Variants in MXD4 observed in about 807,000 individuals in gnomAD.
MXD4 encodes the protein MAX dimerization protein 4, also known as Mad4 homolog.
Under a neutral mutation model 24.5 loss-of-function variants are expected in MXD4, and 16 were observed. That is an observed-to-expected ratio of 0.65 (90% CI 0.44 to 0.99). The LOEUF is 0.99. MXD4 is among the 50% of genes least tolerant of loss of function. The probability of loss-of-function intolerance (pLI) is 0.00; values close to 1 mark genes in which losing one functional copy is unlikely to be tolerated. For synonymous variants in MXD4, 164 were observed against 134.2 expected, an observed-to-expected ratio of 1.22 and a Z score of -1.54; for missense variants, 301 against 301.5, an observed-to-expected ratio of 1.00 and a Z score of 0.01.
intron 1 of MXD4, 32 bp downstream of exon 1, chr4:2,261,885 G>T: frequency 7.1e-7 from 1 of 1,408,622 alleles, no homozygotes; most frequent in Non-Finnish European, 9.3e-7. Context: ...CCCGCCCACC[G>T]CCGCGGGCGC....
chr4:2,258,997 C>G (rs1321909298), intron 2 of MXD4: 2 of 455,116 alleles, frequency 4.4e-6, no homozygotes, highest in East Asian at 1.4e-4. Flanking sequence ...TCCAGGCCAC[C>G]TTCCGTGTCC....
In MXD4 at chr4:2,250,342, GA is replaced by G. The variant is rs1332893086; in HGVS notation, c.*201del. The G allele has an allele frequency of 2.0e-5, 14 of 686,792 alleles. No homozygotes were observed. Among genetic ancestry groups the G allele is most frequent in the Admixed American group, 3.1e-5 (1 of 31,974 alleles). 42.5% of individuals were successfully genotyped at this position (686,792 alleles called of 1,614,324 possible). A position where few individuals can be genotyped will look rare whatever the true frequency, so the allele number is the denominator to read the frequency against. ...AGCTGGGCCCTGCCTCCTTGCAGGG[GA>G]CTCTGCCCAGCTGGAAGGGGCAGGC... On this transcript the variant is annotated 3_prime_UTR_variant, in exon 6 of 6. Transcript: ENST00000337190.
rs149367671 is a variant in MXD4 at position 2,255,929 on chromosome 4, G to A, written c.194+2053C>T. Reference sequence around the variant, plus strand: ...AGCTGGGGGTGGCCCAGGAGCAAGCGTGCCTCCCACTCCCTCTGCCTGCGT... The same window carrying A: ...AGCTGGGGGTGGCCCAGGAGCAAGCATGCCTCCCACTCCCTCTGCCTGCGT... On this transcript the variant is annotated intron_variant, in intron 3 of 5. Transcript: ENST00000337190. Among the ~76,000 whole-genome samples the A allele has an allele frequency of 2.6e-3, 397 of 152,184 alleles. 4 individuals carry two copies. The highest frequency in any genetic ancestry group is 7.1e-3 in the Admixed American group (109 of 15,286).
At chr4:2,257,250 A>G (rs556963835) in intron 3 of MXD4, among the ~76,000 whole-genome samples, 2 of 152,290 alleles carry the variant, frequency 1.3e-5, no homozygotes, top group East Asian at 1.9e-4. Context: ...CCCCACTAGG[A>G]AGGGAGGACA....
intron 2 of MXD4, among the ~76,000 whole-genome samples, chr4:2,258,401 A>T (rs1735473291): frequency 6.6e-6 from 1 of 152,060 alleles, no homozygotes; most frequent in Admixed American, 6.5e-5. Context: ...GCCCGTGGTG[A>T]ATCTGGCTGA....
At chr4:2,251,584 C>A (rs572976957) in intron 4 of MXD4, among the ~76,000 whole-genome samples, 7 of 152,248 alleles carry the variant, frequency 4.6e-5, no homozygotes, top group Non-Finnish European at 8.8e-5. Flanking sequence ...TGGCTGGCAC[C>A]GTCTCCAGGA....
intron 2 of MXD4, 96 bp from the exon 3 acceptor site, chr4:2,258,107 G>C (rs1735467370): frequency 6.8e-7 from 1 of 1,471,846 alleles, no homozygotes. Context: ...CCTGCAGACA[G>C]TGGCTGGCTG....
At chr4:2,250,782 C>G (rs149101522) in intron 5 of MXD4, 81 bp from the exon 6 acceptor site, 2 of 1,523,506 alleles carry the variant, frequency 1.3e-6, no homozygotes, top group Admixed American at 1.9e-5. Context: ...AGCAGAAGCT[C>G]TAGGCAGAGG....
At position 2,249,058 on chromosome 4, in the gene MXD4, AC is replaced by A. The variant is rs1399221370; in HGVS notation, c.*1485del. 6.6e-6 allele frequency: 1 copy of A among 152,338 alleles called. No individual in the cohort carries two copies. Among genetic ancestry groups the A allele is most frequent in the African/African-American group, 2.4e-5 (1 of 41,480 alleles). The allele number at this position is 152,338 out of a possible 1,614,324, so 9.4% of individuals were successfully genotyped here. On this transcript the variant is annotated 3_prime_UTR_variant, in exon 6 of 6. Transcript: ENST00000337190. ...GTGAGCAAGCAGGCCCCTGCCAGCC[AC>A]TGGGGAGGGCAACACTGGGGACCAG... is the stretch of plus-strand genomic sequence containing the variant.
intron 3 of MXD4, among the ~76,000 whole-genome samples, chr4:2,256,693 C>T (rs1290379635): frequency 6.6e-6 from 1 of 152,184 alleles, no homozygotes; most frequent in African/African-American, 2.4e-5. Flanking sequence ...CCATGAGGCC[C>T]TGGCTAAATG....
At chr4:2,260,992 C>T (rs1560115798) in intron 2 of MXD4, among the ~76,000 whole-genome samples, 1 of 152,236 alleles carries the variant, frequency 6.6e-6, no homozygotes, top group Non-Finnish European at 1.5e-5. Flanking sequence ...TGCCTGAACA[C>T]GAGGTCAAGG....
chr4:2,257,035 C>A (rs957962217), intron 3 of MXD4, among the ~76,000 whole-genome samples: 1 of 152,242 alleles, frequency 6.6e-6, no homozygotes, highest in Non-Finnish European at 1.5e-5. Context: ...CCGAAACACA[C>A]ATGACCTGTC....
At position 2,250,560 on chromosome 4, in the gene MXD4, C is replaced by T. The variant is rs774792731; in HGVS notation, c.614G>A (p.Arg205His). 7 of 1,594,382 alleles carry T rather than the reference C, an allele frequency of 4.4e-6. 1 individual carries two copies. Among genetic ancestry groups the T allele is most frequent in the African/African-American group, 2.7e-5 (2 of 74,520 alleles). The change falls in exon 6 of 6, where the codon CGC becomes CAC. Residue 205 changes from arginine (R) to histidine (H), a missense_variant. Arg to His is a conservative substitution (Grantham distance 29). Coordinates refer to ENST00000337190, the MANE Select transcript of MXD4 (RefSeq NM_006454.3). ...GFGPHCRRLG[R>H]PALS is the part of the protein sequence containing the mutation. ...GGCACGGGCCTACGAGAGGGCGGGG[C>T]GGCCCAGCCGCCGGCAGTGGGGCCC...
rs1368993589 is a variant in MXD4 at position 2,261,965 on chromosome 4, G to A, written c.16C>T (p.Leu6=). The change falls in exon 1 of 6, where the codon CTG becomes TTG. Residue 6 remains leucine, a synonymous_variant. Coordinates refer to ENST00000337190, the MANE Select transcript of MXD4 (RefSeq NM_006454.3). ...TCGGCCGCCTCCAGCAGGATCAGCA[G>A]GGAGTTCAGCTCCATCCTCCCGCCC... MELNS[L]LILLEAAEYL... is the part of the protein sequence containing the mutation. 2.8e-6 allele frequency: 4 copies of A among 1,435,134 alleles called. No individual in the cohort carries two copies. Among genetic ancestry groups the A allele is most frequent in the African/African-American group, 3.0e-5 (2 of 67,550 alleles). The allele number at this position is 1,435,134 out of a possible 1,614,324, so 88.9% of individuals were successfully genotyped here.
chr4:2,260,840 G>A (rs1441176221), intron 2 of MXD4, among the ~76,000 whole-genome samples: 1 of 152,210 alleles, frequency 6.6e-6, no homozygotes, highest in Non-Finnish European at 1.5e-5. Context: ...AAAAGGGCTG[G>A]GCCAAGGTGG....
In MXD4 at chr4:2,248,840, G is replaced by A. The variant is rs1735252512; in HGVS notation, c.*1704C>T. 1 of 152,286 alleles carries A rather than the reference G, an allele frequency of 6.6e-6. No individual in the cohort carries two copies. The highest frequency in any genetic ancestry group is 1.9e-4 in the East Asian group (1 of 5,192). The allele number at this position is 152,286 out of a possible 1,614,324, so 9.4% of individuals were successfully genotyped here. ...TACAGATGTACCAGAGGCACGGCAG[G>A]CACTGCTATGGGCCAGCCCCAAGGA... On this transcript the variant is annotated 3_prime_UTR_variant, in exon 6 of 6. Transcript: ENST00000337190.
intron 4 of MXD4, among the ~76,000 whole-genome samples, chr4:2,252,121 C>T (rs1735335998): frequency 6.6e-6 from 1 of 152,218 alleles, no homozygotes; most frequent in African/African-American, 2.4e-5. Context: ...CGACCTCCTC[C>T]TCTCCATCCC....
chr4:2,255,207 T>A, intron 3 of MXD4: 3 of 415,084 alleles, frequency 7.2e-6, no homozygotes, highest in South Asian at 5.2e-5. Flanking sequence ...CAAGGTCCCC[T>A]CCTTATCCAA....
chr4:2,257,834 C>G (rs1261136253), intron 3 of MXD4, 148 bp downstream of exon 3: 1 of 1,053,614 alleles, frequency 9.5e-7, no homozygotes, highest in Non-Finnish European at 1.4e-6. Flanking sequence ...GCCTTCTCCT[C>G]CAAGTCTGAC....
Sources: allele counts gnomAD v4.1 joint callset (sites outside exome capture counted in the v4.1 genomes callset), GRCh38; gene constraint gnomAD v4.1.1; transcripts MANE v1.5; gene names NCBI Gene and HGNC (gene_info 2026-07-23, HGNC 2026-07-21).